TMEM163: variants seen among roughly 807,000 people sequenced by gnomAD.
The protein encoded by TMEM163 is transmembrane protein 163.
TMEM163 carries 17 observed loss-of-function variants against 29.3 expected under a neutral mutation model. The observed-to-expected ratio is 0.58, with a 90% CI of 0.40 to 0.87. TMEM163 has a LOEUF of 0.87. TMEM163 is among the 40% of genes least tolerant of loss of function. The pLI, the probability that TMEM163 is intolerant of heterozygous loss-of-function variation, is 0.00. For synonymous variants in TMEM163, 157 were observed against 160.6 expected (o/e 0.98, Z 0.17); for missense variants, 303 against 381.5 (o/e 0.79, Z 1.71).
intron 2 of TMEM163, among the ~76,000 whole-genome samples, chr2:134,669,047 C>CCACA (rs1683933874): frequency 6.6e-6 from 1 of 152,182 alleles, no homozygotes; most frequent in Non-Finnish European, 1.5e-5. Flanking sequence ...CACATCCTCA[C>CCACA]TGCAGAGGCA....
chr2:134,542,773 G>A (rs759376053), intron 4 of TMEM163, among the ~76,000 whole-genome samples: 10 of 152,228 alleles, frequency 6.6e-5, no homozygotes, highest in Non-Finnish European at 1.0e-4. Context: ...CTACAAGTCC[G>A]AAATCAAGGT....
intron 5 of TMEM163, among the ~76,000 whole-genome samples, chr2:134,483,072 C>T (rs1433991827): frequency 2.6e-5 from 4 of 152,092 alleles, no homozygotes; most frequent in South Asian, 2.1e-4. Flanking sequence ...CAGCAGCGGC[C>T]GAGGGCTACG....
chr2:134,504,200 T>C (rs1679765806), intron 4 of TMEM163, among the ~76,000 whole-genome samples: 1 of 152,162 alleles, frequency 6.6e-6, no homozygotes, highest in South Asian at 2.1e-4. Flanking sequence ...ATCCTCCACA[T>C]TTAGGAGTGA....
intron 4 of TMEM163, among the ~76,000 whole-genome samples, chr2:134,547,744 C>T (rs1169792185): frequency 1.3e-5 from 2 of 152,296 alleles, no homozygotes; most frequent in East Asian, 3.9e-4. Context: ...GGCATTGTCA[C>T]GTGAACAATT....
rs1212315278 is a variant in TMEM163, at chr2:134,589,503, GT to G, written c.323-37413del. ...CTGCTCATTATACACTAATTATAAT[GT>G]TTTAGTATGCTAAAAGACACTCCCA... On this transcript the variant is annotated intron_variant, in intron 2 of 7. Coordinates refer to ENST00000281924, the MANE Select transcript of TMEM163 (RefSeq NM_030923.5). Among the ~76,000 whole-genome samples the G allele has an allele frequency of 3.9e-5, 6 of 152,268 alleles. No homozygotes were observed. The East Asian group carries it at 9.7e-4, about 25-fold the overall frequency.
At chr2:134,489,830 C>A (rs898705093) in intron 5 of TMEM163, among the ~76,000 whole-genome samples, 1 of 152,152 alleles carries the variant, frequency 6.6e-6, no homozygotes, top group African/African-American at 2.4e-5. Flanking sequence ...GCCCCTTTTG[C>A]CATCTCTTTC....
At chr2:134,702,053 C>T (rs1383576219) in intron 2 of TMEM163, among the ~76,000 whole-genome samples, 1 of 152,016 alleles carries the variant, frequency 6.6e-6, no homozygotes, top group Non-Finnish European at 1.5e-5. Flanking sequence ...CTCAGGGAAG[C>T]CTGGGTAGCC....
intron 5 of TMEM163, 136 bp from the exon 6 acceptor site, chr2:134,466,361 C>T: frequency 1.6e-6 from 1 of 643,112 alleles, no homozygotes. Flanking sequence ...GGGTATACTG[C>T]ATGCTTTCAC....
chr2:134,558,694 C>A (rs1681100599), intron 2 of TMEM163, among the ~76,000 whole-genome samples: 1 of 152,204 alleles, frequency 6.6e-6, no homozygotes, highest in Non-Finnish European at 1.5e-5. Flanking sequence ...GACAGCCCCT[C>A]CACAACCTTA....
At chr2:134,706,844 T>A (rs1411836778) in intron 2 of TMEM163, among the ~76,000 whole-genome samples, 3 of 152,172 alleles carry the variant, frequency 2.0e-5, no homozygotes, top group Non-Finnish European at 4.4e-5. Context: ...GTCTGAAATA[T>A]GCGTCCGTAC....
At chr2:134,485,998 C>A (rs1455457907) in intron 5 of TMEM163, among the ~76,000 whole-genome samples, 1 of 152,162 alleles carries the variant, frequency 6.6e-6, no homozygotes, top group Non-Finnish European at 1.5e-5. Flanking sequence ...GGCCATCAGG[C>A]CTGAAGAATC....
At chr2:134,569,282 T>C (rs16830810) in intron 2 of TMEM163, among the ~76,000 whole-genome samples, 23,593 of 152,106 alleles carry the variant, frequency 0.16, 4,400 homozygotes, top group African/African-American at 0.45. Context: ...AACACTGCCA[T>C]GGTTGGACCA....
chr2:134,573,312 T>C (rs1681475619), intron 2 of TMEM163, among the ~76,000 whole-genome samples: 1 of 152,220 alleles, frequency 6.6e-6, no homozygotes. Context: ...TGTCACATCA[T>C]AAAAGCTGAT....
chr2:134,521,258 A>G (rs1196347884), intron 4 of TMEM163, among the ~76,000 whole-genome samples: 3 of 152,216 alleles, frequency 2.0e-5, no homozygotes, highest in Non-Finnish European at 4.4e-5. Flanking sequence ...CGGCCTCCCA[A>G]AGTGCTGCGA....
chr2:134,493,019 C>T (rs994000374), intron 5 of TMEM163, among the ~76,000 whole-genome samples: 16 of 152,216 alleles, frequency 1.1e-4, no homozygotes, highest in Non-Finnish European at 1.9e-4. Flanking sequence ...GGGGGGTTTT[C>T]ATTTGTTTTC....
chr2:134,551,717 C>T lies in TMEM163; in HGVS notation c.366+331G>A, dbSNP rs1428421164. ...CGATCTTCACTCGCAGCACATCTGCCTACACCAGAAAATGCTTTGCTTCAG... is the reference window on the plus strand; with the variant it reads ...CGATCTTCACTCGCAGCACATCTGCTTACACCAGAAAATGCTTTGCTTCAG... On this transcript the variant is annotated intron_variant, in intron 3 of 7. Coordinates refer to ENST00000281924, the MANE Select transcript of TMEM163 (RefSeq NM_030923.5). 2.0e-5 allele frequency among the ~76,000 whole-genome samples: 3 copies of T among 152,200 alleles called. No individual in the cohort carries two copies. In the East Asian group the frequency reaches 5.8e-4, roughly 29 times the overall value.
intron 2 of TMEM163, among the ~76,000 whole-genome samples, chr2:134,655,833 G>A (rs1339623255): frequency 7.1e-6 from 1 of 141,084 alleles, no homozygotes; most frequent in Admixed American, 6.9e-5. Flanking sequence ...TGCCCCTGCT[G>A]GGGGGTGCCT....
intron 2 of TMEM163, among the ~76,000 whole-genome samples, chr2:134,569,017 G>A (rs915645792): frequency 1.3e-5 from 2 of 152,186 alleles, no homozygotes; most frequent in South Asian, 2.1e-4. Context: ...GTTACAAATA[G>A]CCTGGACTGA....
intron 2 of TMEM163, among the ~76,000 whole-genome samples, chr2:134,567,374 C>T (rs1442140606): frequency 6.6e-6 from 1 of 151,122 alleles, no homozygotes; most frequent in East Asian, 1.9e-4. Context: ...GCAAATAGAT[C>T]CTGATTTGCC....
Sources: allele counts gnomAD v4.1 joint callset (sites outside exome capture counted in the v4.1 genomes callset), GRCh38; gene constraint gnomAD v4.1.1; transcripts MANE v1.5; gene names NCBI Gene and HGNC (gene_info 2026-07-23, HGNC 2026-07-21).